The following ZBTB7B variants were observed in gnomAD, a reference collection of about 807,000 sequenced individuals.
ZBTB7B encodes the protein zinc finger and BTB domain containing 7B.
ZBTB7B carries 8 observed loss-of-function variants against 31.0 expected under a neutral mutation model. The ratio of observed to expected loss-of-function variants is 0.26; its 90% CI spans 0.15 to 0.47. ZBTB7B has a LOEUF of 0.47. Among genes scored for constraint, ZBTB7B ranks in the 20% least tolerant of loss-of-function variants. ZBTB7B has a pLI of 0.99. For missense variants in ZBTB7B, 494 were observed against 742.4 expected (o/e 0.67, Z 3.89); for synonymous variants, 261 against 307.3 (o/e 0.85, Z 1.58).
At chr1:155,008,372 G>A (rs946971563) in intron 1 of ZBTB7B, among the ~76,000 whole-genome samples, 6 of 152,222 alleles carry the variant, frequency 3.9e-5, no homozygotes, top group African/African-American at 1.4e-4. Context: ...ACAGGGTAGG[G>A]AGAATTCGGC....
intron 1 of ZBTB7B, chr1:155,014,002 A>C: frequency 3.0e-6 from 3 of 985,176 alleles, no homozygotes; most frequent in Non-Finnish European, 2.4e-6. Context: ...TCTTGTTTGC[A>C]TATGTTTTAC....
upstream of ZBTB7B, chr1:155,002,705 G>A (rs1328249158): frequency 2.1e-5 from 3 of 139,806 alleles, no homozygotes; most frequent in Non-Finnish European, 3.2e-5. Flanking sequence ...GGCCCTGAGG[G>A]GGGGGCGGGT....
chr1:155,008,584 A>T lies in ZBTB7B; in HGVS notation c.-7+5641A>T, dbSNP rs1419120007. 2.0e-5 allele frequency among the ~76,000 whole-genome samples: 3 copies of T among 151,976 alleles called. No individual in the cohort carries two copies. In the East Asian group the frequency reaches 5.8e-4, roughly 29 times the overall value. ...TCCTTCTCCTGGTCCCACCTCCAGT[A>T]GCCTCTCCCATTGCTCCTCCTCATC... On this transcript the variant is annotated intron_variant, in intron 1 of 2. Coordinates refer to ENST00000535420, the MANE Select transcript of ZBTB7B (RefSeq NM_001256455.2).
rs925396669 is a variant in ZBTB7B, at chr1:155,016,443, C to T, written c.1378C>T (p.Arg460Ter). Residue 460 changes from arginine (R) to a stop codon, truncating the protein, a stop_gained, in exon 3 of 3, where the codon CGA (arginine) becomes TGA (stop). Coordinates refer to ENST00000535420, the MANE Select transcript of ZBTB7B (RefSeq NM_001256455.2). LOFTEE classifies it high-confidence loss of function. The surrounding 1 kb of genome is among the most constrained non-coding windows in gnomAD (Gnocchi z 4.3). ...KGQNCLEVRT[R>*]RRRKDDAPPH... Reference sequence around the variant, plus strand: ...CCAGAACTGCCTGGAGGTGCGCACCCGACGGCGCCGCAAGGACGATGCACC... The same window carrying T: ...CCAGAACTGCCTGGAGGTGCGCACCTGACGGCGCCGCAAGGACGATGCACC... The T allele has an allele frequency of 8.7e-6, 14 of 1,613,974 alleles. No homozygotes were observed. Among genetic ancestry groups the T allele is most frequent in the Admixed American group, 1.7e-5 (1 of 60,008 alleles).
intron 1 of ZBTB7B, among the ~76,000 whole-genome samples, chr1:155,005,880 G>A (rs373298503): frequency 4.0e-4 from 61 of 152,300 alleles, no homozygotes; most frequent in African/African-American, 1.2e-3. Flanking sequence ...ACACAGAAGC[G>A]GCCAGGCGCC....
chr1:155,002,159 C>T (rs935626632), upstream of ZBTB7B, among the ~76,000 whole-genome samples: 22 of 152,086 alleles, frequency 1.4e-4, no homozygotes, highest in African/African-American at 5.3e-4. Context: ...CGGCTCCGCC[C>T]CCTCCCTGGA....
rs752199716 is a variant in ZBTB7B, at chr1:155,003,297, C to A, written c.-7+354C>A. On this transcript the variant is annotated intron_variant, in intron 1 of 2. Coordinates refer to ENST00000535420, the MANE Select transcript of ZBTB7B (RefSeq NM_001256455.2). The surrounding 1 kb of genome is among the most constrained non-coding windows in gnomAD (Gnocchi z 5.8). ...TCCTTCGTGACTTTAGGGGGAGACC[C>A]CAGACCGGACTGAGTTGAGGGAATG... 6.6e-6 allele frequency among the ~76,000 whole-genome samples: 1 copy of A among 152,176 alleles called. No homozygotes were observed.
intron 1 of ZBTB7B, among the ~76,000 whole-genome samples, chr1:155,007,397 C>T (rs888439285): frequency 6.6e-6 from 1 of 152,212 alleles, no homozygotes; most frequent in Admixed American, 6.5e-5. Context: ...GCTGCAGGCA[C>T]TAGGGCTCTC....
At chr1:155,009,862 T>G (rs1216922681) in intron 1 of ZBTB7B, among the ~76,000 whole-genome samples, 2 of 151,650 alleles carry the variant, frequency 1.3e-5, no homozygotes, top group African/African-American at 4.9e-5. Context: ...AGTGGAGAAG[T>G]TTGAGCAAGA....
rs933502088 is a variant in ZBTB7B at position 155,003,483 on chromosome 1, G to C, written c.-7+540G>C. On this transcript the variant is annotated intron_variant, in intron 1 of 2. Transcript: ENST00000535420. The surrounding 1 kb of genome is among the most constrained non-coding windows in gnomAD (Gnocchi z 5.8). Reference sequence around the variant, plus strand: ...TACCGGCTGGACTATTCGGTTTCTTGCGCTTCCAGAGCCGCGCTCTCTCCA... The same window carrying C: ...TACCGGCTGGACTATTCGGTTTCTTCCGCTTCCAGAGCCGCGCTCTCTCCA... Among the ~76,000 whole-genome samples the C allele has an allele frequency of 6.6e-6, 1 of 152,160 alleles. No homozygotes were observed. The highest frequency in any genetic ancestry group is 6.5e-5 in the Admixed American group (1 of 15,284).
Position 155,003,559 on chromosome 1 carries a change from C to G in ZBTB7B, c.-7+616C>G, listed in dbSNP as rs892331592. 6.6e-6 allele frequency among the ~76,000 whole-genome samples: 1 copy of G among 152,210 alleles called. No individual in the cohort carries two copies. The highest frequency in any genetic ancestry group is 1.5e-5 in the Non-Finnish European group (1 of 68,026). ...TCTGAACCGACATAGAACGACCGCTCTCTTCCCTGCCCCTCAATCCCACTC... is the reference window on the plus strand; with the variant it reads ...TCTGAACCGACATAGAACGACCGCTGTCTTCCCTGCCCCTCAATCCCACTC... On this transcript the variant is annotated intron_variant, in intron 1 of 2. Coordinates refer to ENST00000535420, the MANE Select transcript of ZBTB7B (RefSeq NM_001256455.2). This position sits in a 1 kb window ranked among gnomAD's most constrained non-coding sequence, Gnocchi z 5.8.
At position 155,016,150 on chromosome 1, in the gene ZBTB7B, T is replaced by A. The variant is rs892740157; in HGVS notation, c.1155-70T>A. The A allele has an allele frequency of 7.3e-6, 11 of 1,513,346 alleles. No homozygotes were observed. Among genetic ancestry groups the A allele is most frequent in the Middle Eastern group, 1.8e-4 (1 of 5,688 alleles). The allele number at this position is 1,513,346 out of a possible 1,614,324, so 93.7% of individuals were successfully genotyped here. ...GAACAGGGATGGGACAAGGCCAGGG[T>A]GGGATGACCAGGAGGAGCCAGGGAT... On this transcript the variant is annotated intron_variant, in intron 2 of 2. Coordinates refer to ENST00000535420, the MANE Select transcript of ZBTB7B (RefSeq NM_001256455.2). This position sits in a 1 kb window ranked among gnomAD's most constrained non-coding sequence, Gnocchi z 4.3.
At position 155,014,141 on chromosome 1, in the gene ZBTB7B, T is replaced by TC. The variant is rs368370217; in HGVS notation, c.-6-513dup. 181 of 949,408 alleles carry TC rather than the reference T, an allele frequency of 1.9e-4. 1 individual carries two copies. The African/African-American group carries it at 2.9e-3, about 15-fold the overall frequency. 58.8% of individuals were successfully genotyped at this position (949,408 alleles called of 1,614,324 possible). ...GCCTCTCCCCAGGTTATGAGGAGGT[T>TC]CATTACAAAGACTGTTACCTCACTT... On this transcript the variant is annotated intron_variant, in intron 1 of 2. Coordinates refer to ENST00000535420, the MANE Select transcript of ZBTB7B (RefSeq NM_001256455.2).
intron 1 of ZBTB7B, among the ~76,000 whole-genome samples, chr1:155,010,611 G>A (rs1658889269): frequency 1.3e-5 from 2 of 152,160 alleles, no homozygotes; most frequent in Admixed American, 6.5e-5. Flanking sequence ...GGGCAATCCA[G>A]ATGGCTGCAG....
intron 2 of ZBTB7B, 91 bp downstream of exon 2, chr1:155,015,905 G>A: frequency 1.3e-6 from 2 of 1,486,368 alleles, no homozygotes; most frequent in Non-Finnish European, 1.8e-6. Flanking sequence ...ACCCGAGGTG[G>A]TGGTAGGTGG....
In ZBTB7B at chr1:155,015,178, G is replaced by A; in HGVS notation, c.518G>A (p.Gly173Glu). The A allele has an allele frequency of 1.2e-6, 2 of 1,613,744 alleles. No homozygotes were observed. Among genetic ancestry groups the A allele is most frequent in the Non-Finnish European group, 1.7e-6 (2 of 1,180,006 alleles). Residue 173 changes from glycine (G) to glutamate (E), a missense_variant, in exon 2 of 3, where the codon GGA (glycine) becomes GAA (glutamate). Transcript: ENST00000535420. ...LEAFATATAS[G>E]VPNGEDSPPQ... ...GCCTTTGCCACAGCCACGGCCTCTG[G>A]AGTTCCCAATGGTGAAGACAGTCCT...
At position 155,018,265 on chromosome 1, in the gene ZBTB7B, AT is replaced by A; in HGVS notation, c.*1582del. 2.1e-6 allele frequency: 1 copy of A among 471,382 alleles called. No homozygotes were observed. Among genetic ancestry groups the A allele is most frequent in the Non-Finnish European group, 3.8e-6 (1 of 259,806 alleles). 29.2% of individuals were successfully genotyped at this position (471,382 alleles called of 1,614,324 possible). A position where few individuals can be genotyped will look rare whatever the true frequency, so the allele number is the denominator to read the frequency against. On this transcript the variant is annotated 3_prime_UTR_variant, in exon 3 of 3. Coordinates refer to ENST00000535420, the MANE Select transcript of ZBTB7B (RefSeq NM_001256455.2). ...TATTTAAAAAGTGATGATGTAATAT[AT>A]TGGGGTGGCGGGGAGATCGGGTTGT...
rs372544089 is a variant in ZBTB7B at position 155,015,376 on chromosome 1, C to T, written c.716C>T (p.Ala239Val). ...HPLTYEEEEV[A>V]GRVGSSGGSG... is the part of the protein sequence containing the mutation. ...TTGACCTATGAGGAGGAGGAGGTGG[C>T]GGGCAGAGTGGGCAGCAGTGGGGGC... The change falls in exon 2 of 3, where the codon GCG becomes GTG. Residue 239 changes from alanine to valine, a missense_variant. By Grantham distance (64) the Ala-to-Val change is moderately conservative. This residue lies in a region of ZBTB7B where 216 missense variants were observed against 229.3 expected (regional missense o/e 0.94). Coordinates refer to ENST00000535420, the MANE Select transcript of ZBTB7B (RefSeq NM_001256455.2). 23 of 1,572,656 alleles carry T rather than the reference C, an allele frequency of 1.5e-5. No individual in the cohort carries two copies. The highest frequency in any genetic ancestry group is 2.3e-5 in the South Asian group (2 of 85,144).
chr1:155,015,612 C>T lies in ZBTB7B; in HGVS notation c.952C>T (p.Leu318=). ...DAIDPDLMAY[L]SSLHQDNLAP... ...CATCGATCCTGACCTGATGGCCTAC[C>T]TAAGCTCCCTGCACCAGGACAACCT... Residue 318 remains leucine, a synonymous_variant, in exon 2 of 3, where the codon CTA becomes TTA. Coordinates refer to ENST00000535420, the MANE Select transcript of ZBTB7B (RefSeq NM_001256455.2). 1 of 1,613,736 alleles carries T rather than the reference C, an allele frequency of 6.2e-7. No individual in the cohort carries two copies. The highest frequency in any genetic ancestry group is 8.5e-7 in the Non-Finnish European group (1 of 1,179,998).
Sources: gnomAD v4.1 joint callset for allele counts (sites outside exome capture counted in the v4.1 genomes callset) on GRCh38, gnomAD v4.1.1 for gene constraint, gnomAD v4.1.1 regional missense constraint, Gnocchi (gnomAD v3.1) non-coding constraint, MANE v1.5 for transcripts, NCBI Gene and HGNC (gene_info 2026-07-23, HGNC 2026-07-21) for gene names.